The following POLN variants were observed in gnomAD, a reference collection of about 807,000 sequenced individuals.
POLN encodes the protein DNA polymerase N.
POLN carries 108 observed loss-of-function variants against 113.5 expected under a neutral mutation model. The observed-to-expected ratio is 0.95, with a 90% confidence interval of 0.81 to 1.12. The LOEUF (loss-of-function observed/expected upper bound fraction) is 1.12, where lower values mean the gene tolerates loss of function less well. POLN is among the 50% of genes most tolerant of loss of function. The pLI is 0.00. For missense variants in POLN, 1,097 were observed against 1,077.1 expected (o/e 1.02, Z -0.26); for synonymous variants, 386 against 391.5 (o/e 0.99, Z 0.17).
At chr4:2,165,534 T>C (rs1732707485) in intron 13 of POLN, among the ~76,000 whole-genome samples, 3 of 152,226 alleles carry the variant, frequency 2.0e-5, no homozygotes, top group South Asian at 4.1e-4. Flanking sequence ...CTACAGAATG[T>C]CTAACACCAA....
intron 2 of POLN, among the ~76,000 whole-genome samples, chr4:2,233,615 A>T (rs1362829061): frequency 6.6e-6 from 1 of 152,206 alleles, no homozygotes; most frequent in East Asian, 1.9e-4. Context: ...TGAACATTGA[A>T]ATGTGATGCT....
At chr4:2,114,122 C>T (rs763714782) in intron 19 of POLN, among the ~76,000 whole-genome samples, 13 of 151,752 alleles carry the variant, frequency 8.6e-5, no homozygotes, top group Non-Finnish European at 1.8e-4. Flanking sequence ...AAGTCTTGAA[C>T]TCCTGGACTC....
intron 5 of POLN, among the ~76,000 whole-genome samples, chr4:2,202,637 T>C (rs888791081): frequency 1.3e-5 from 2 of 150,162 alleles, no homozygotes; most frequent in African/African-American, 4.9e-5. Context: ...GACAGGAGAA[T>C]TGCTTGAACC....
intron 13 of POLN, among the ~76,000 whole-genome samples, chr4:2,161,626 C>T (rs939639061): frequency 6.6e-6 from 1 of 152,220 alleles, no homozygotes; most frequent in East Asian, 1.9e-4. Flanking sequence ...CCAGTCCCAT[C>T]GACCACCCAA....
intron 2 of POLN, chr4:2,238,925 TTC>T (rs1346674503): frequency 1.8e-5 from 29 of 1,612,282 alleles, no homozygotes; most frequent in Non-Finnish European, 2.3e-5. Context: ...TAACTGGGCA[TTC>T]TCTCTTACCA....
chr4:2,237,536 G>A (rs1179182055), intron 2 of POLN, among the ~76,000 whole-genome samples: 1 of 151,084 alleles, frequency 6.6e-6, no homozygotes, highest in African/African-American at 2.4e-5. Flanking sequence ...GGGAAGGAAG[G>A]AAAAAACAAG....
At chr4:2,130,317 G>T in intron 17 of POLN, among the ~76,000 whole-genome samples, 1 of 148,024 alleles carries the variant, frequency 6.8e-6, no homozygotes, top group African/African-American at 2.5e-5. Flanking sequence ...GAGGGGAGGG[G>T]AGAGAAGAGG....
At chr4:2,181,826 C>CT (rs1345039035) in intron 7 of POLN, among the ~76,000 whole-genome samples, 4 of 152,046 alleles carry the variant, frequency 2.6e-5, no homozygotes, top group African/African-American at 9.7e-5. Flanking sequence ...CGGTGAAACC[C>CT]TGTCTCTACT....
chr4:2,122,148 T>C (rs1203168974), intron 19 of POLN, among the ~76,000 whole-genome samples: 4 of 152,012 alleles, frequency 2.6e-5, no homozygotes, highest in Non-Finnish European at 2.9e-5. Flanking sequence ...CGTTCTAAGG[T>C]AGGAAATCCA....
chr4:2,176,968 A>G (rs35733400), intron 8 of POLN, among the ~76,000 whole-genome samples: 37,395 of 151,842 alleles, frequency 0.25, 7,091 homozygotes, highest in African/African-American at 0.51. Flanking sequence ...CTCAGACCCA[A>G]TTTTCTGCTG....
chr4:2,186,249 A>G lies in POLN; in HGVS notation c.1022-6784T>C, dbSNP rs146711408. Among the ~76,000 whole-genome samples the G allele has an allele frequency of 5.4e-3, 824 of 152,286 alleles. 5 individuals are homozygous for G. The highest frequency in any genetic ancestry group is 0.017 in the Middle Eastern group (5 of 294). ...TGGCAGGAGACCCGTCCCTGCCACA[A>G]TCCACAGGAAGCATCATGAGTGTCT... On this transcript the variant is annotated intron_variant, in intron 7 of 25. Coordinates refer to ENST00000511885, the MANE Select transcript of POLN (RefSeq NM_181808.4).
intron 6 of POLN, among the ~76,000 whole-genome samples, chr4:2,196,549 G>C (rs1486898252): frequency 6.6e-6 from 1 of 151,666 alleles, no homozygotes; most frequent in African/African-American, 2.4e-5. Context: ...CAAGTCAACT[G>C]TAGAAGGACA....
At chr4:2,215,531 C>A (rs927662237) in intron 3 of POLN, among the ~76,000 whole-genome samples, 2 of 152,174 alleles carry the variant, frequency 1.3e-5, no homozygotes, top group African/African-American at 4.8e-5. Context: ...GACAGCTGGG[C>A]TTTTATACCC....
rs114386848 is a variant in POLN, at chr4:2,090,896, G to A, written c.2065+4955C>T. Among the ~76,000 whole-genome samples, 370 of 152,292 alleles carry A rather than the reference G, an allele frequency of 2.4e-3. 1 individual carries two copies. Among genetic ancestry groups the A allele is most frequent in the African/African-American group, 8.4e-3 (351 of 41,556 alleles). On this transcript the variant is annotated intron_variant, in intron 20 of 25. Transcript: ENST00000511885. ...AACCTAGAATTTGGCCTCATTTCCT[G>A]GCTCTCTTCTTTCTAGAATTTCTCA... is the stretch of plus-strand genomic sequence containing the variant.
intron 8 of POLN, 131 bp downstream of exon 8, chr4:2,179,177 T>C (rs1733070534): frequency 1.9e-5 from 18 of 929,060 alleles, no homozygotes; most frequent in Non-Finnish European, 2.7e-5. Context: ...GTCACAACTA[T>C]TTGTGCTGAA....
In POLN at chr4:2,198,547, C is replaced by T. The variant is rs1007602497; in HGVS notation, c.885G>A (p.Gln295=). 6.2e-7 allele frequency: 1 copy of T among 1,610,994 alleles called. No individual in the cohort carries two copies. The highest frequency in any genetic ancestry group is 1.1e-5 in the South Asian group (1 of 90,438). ...IEHSAIWDQE[Q]EAHQQFARNV... is the part of the protein sequence containing the mutation. ...ACCGGGCAAATTGTTGATGTGCCTC[C>T]TGTTCTTGGTCCCAGATAGCAGAGT... The change falls in exon 6 of 26, where the codon CAG becomes CAA. Residue 295 remains glutamine (Q), a synonymous_variant. Coordinates refer to ENST00000511885, the MANE Select transcript of POLN (RefSeq NM_181808.4).
chr4:2,217,826 C>T (rs920143789), intron 3 of POLN, among the ~76,000 whole-genome samples: 3 of 152,140 alleles, frequency 2.0e-5, no homozygotes, highest in Non-Finnish European at 2.9e-5. Flanking sequence ...ACAGCCTAGG[C>T]CTCTTACAGG....
At chr4:2,089,753 T>A in intron 20 of POLN, 2 of 703,286 alleles carry the variant, frequency 2.8e-6, no homozygotes, top group South Asian at 3.7e-5. Context: ...TTTATCATTA[T>A]GGACTTTAAA....
At chr4:2,096,116 G>A (rs1730784284) in intron 19 of POLN, among the ~76,000 whole-genome samples, 183 bp from the exon 20 acceptor site, 1 of 152,202 alleles carries the variant, frequency 6.6e-6, no homozygotes, top group Non-Finnish European at 1.5e-5. Context: ...AGGGCCCCAG[G>A]CAGATGCCTT....
Sources: allele counts gnomAD v4.1 joint callset (sites outside exome capture counted in the v4.1 genomes callset), GRCh38; gene constraint gnomAD v4.1.1; transcripts MANE v1.5; gene names NCBI Gene and HGNC (gene_info 2026-07-23, HGNC 2026-07-21).